Variants in MYLK observed in about 807,000 individuals in gnomAD.
MYLK encodes the protein myosin light chain kinase, smooth muscle.
Under a neutral mutation model 203.4 loss-of-function variants are expected in MYLK, and 106 were observed. The observed-to-expected ratio is 0.52, with a 90% CI of 0.45 to 0.61. The LOEUF is 0.61. Among genes scored for constraint, MYLK ranks in the 20% least tolerant of loss-of-function variants. MYLK has a pLI of 0.00. For synonymous variants in MYLK, 867 were observed against 959.5 expected (o/e 0.90, Z 1.78); for missense variants, 2,072 against 2,442.3 (o/e 0.85, Z 3.20).
chr3:123,853,933 C>T (rs574173872), intron 2 of MYLK, among the ~76,000 whole-genome samples: 1 of 152,060 alleles, frequency 6.6e-6, no homozygotes, highest in Non-Finnish European at 1.5e-5. Context: ...GACATTAGCA[C>T]ATATAACATA....
At chr3:123,709,134 ATTTTTTTTTTTTT>A (rs1161776768) in intron 14 of MYLK, 1 of 168,480 alleles carries the variant, frequency 5.9e-6, no homozygotes, top group African/African-American at 3.4e-5. Context: ...TTCTCACATA[ATTTTTTTTTTTTT>A]TTTTTTTTTT....
intron 3 of MYLK, among the ~76,000 whole-genome samples, chr3:123,818,546 T>C (rs2065821637): frequency 6.6e-6 from 1 of 151,908 alleles, no homozygotes; most frequent in Non-Finnish European, 1.5e-5. Flanking sequence ...AAAAATTAAC[T>C]GGGAATGGTG....
chr3:123,830,255 T>C (rs1455512469), intron 3 of MYLK, among the ~76,000 whole-genome samples: 1 of 152,234 alleles, frequency 6.6e-6, no homozygotes, highest in East Asian at 1.9e-4. Context: ...AGTGTTCGCT[T>C]TGGTCCAGCC....
intron 3 of MYLK, among the ~76,000 whole-genome samples, chr3:123,822,273 T>C (rs2065962984): frequency 6.6e-6 from 1 of 152,196 alleles, no homozygotes; most frequent in South Asian, 2.1e-4. Context: ...ACACAGATAC[T>C]GCCTCTAGTC....
At chr3:123,846,939 T>C (rs1001345008) in intron 2 of MYLK, among the ~76,000 whole-genome samples, 1 of 152,130 alleles carries the variant, frequency 6.6e-6, no homozygotes, top group Non-Finnish European at 1.5e-5. Context: ...TCCTGGTAAA[T>C]AGTACTTTAA....
At position 123,738,915 on chromosome 3, in the gene MYLK, C is replaced by T. The variant is rs56377408; in HGVS notation, c.570G>A (p.Pro190=). 3.9e-5 allele frequency: 63 copies of T among 1,611,260 alleles called. 1 individual carries two copies. Among genetic ancestry groups the T allele is most frequent in the South Asian group, 1.9e-4 (17 of 90,338 alleles). The change falls in exon 7 of 34, where the codon CCG becomes CCA. Residue 190 remains proline (P), a synonymous_variant. Coordinates refer to ENST00000360304, the MANE Select transcript of MYLK (RefSeq NM_053025.4). ...ACCTCACCTTGAGCCAGGTGACCTG[C>T]GGTTGGGGCCGGCCAGTGATCTTGC... The part of the protein sequence containing the change: ...FSCKITGRPQ[P]QVTWLKGNVP...
At chr3:123,634,250 A>AG in intron 29 of MYLK, among the ~76,000 whole-genome samples, 1 of 152,126 alleles carries the variant, frequency 6.6e-6, no homozygotes, top group East Asian at 1.9e-4. Flanking sequence ...CCGGGCTTGG[A>AG]GAGGGAACAG....
rs767967653 is a variant in MYLK, at chr3:123,725,999, C to G, written c.1596G>C (p.Val532=). ...GGGTCCCCCGTACGGAGCACTGCAG[C>G]ACAAAATCCTGGCCCTCAATAACAG... is the stretch of plus-strand genomic sequence containing the variant. ...DCAVIEGQDF[V]LQCSVRGTPV... Residue 532 remains valine, a synonymous_variant, in exon 12 of 34, where the codon GTG becomes GTC. Coordinates refer to ENST00000360304, the MANE Select transcript of MYLK (RefSeq NM_053025.4). 6.2e-7 allele frequency: 1 copy of G among 1,614,184 alleles called. No individual in the cohort carries two copies. The highest frequency in any genetic ancestry group is 8.5e-7 in the Non-Finnish European group (1 of 1,180,022).
intron 23 of MYLK, among the ~76,000 whole-genome samples, chr3:123,660,284 C>T (rs1347615474): frequency 1.3e-5 from 2 of 152,230 alleles, no homozygotes; most frequent in Non-Finnish European, 2.9e-5. Context: ...CTTGCTTAAG[C>T]CTGAGCTGAG....
rs2059748558 is a variant in MYLK, at chr3:123,666,779, C to G, written c.3703+358G>C. ...TTCCATATAACAAGGACACACAGAG[C>G]TGGGCACAAAAATAGCCCCAAGAGG... On this transcript the variant is annotated intron_variant, in intron 21 of 33. Transcript: ENST00000360304. 30 of 525,522 alleles carry G rather than the reference C, an allele frequency of 5.7e-5. 1 individual carries two copies. The South Asian group carries it at 6.7e-4, about 12-fold the overall frequency. The allele number at this position is 525,522 out of a possible 1,614,324, so 32.6% of individuals were successfully genotyped here.
intron 31 of MYLK, 141 bp downstream of exon 31, chr3:123,626,677 C>A: frequency 8.5e-7 from 1 of 1,179,092 alleles, no homozygotes; most frequent in Admixed American, 2.0e-5. Flanking sequence ...CCTTAATCAG[C>A]TGCCTAAATT....
At chr3:123,783,089 A>G (rs2064362989) in intron 4 of MYLK, among the ~76,000 whole-genome samples, 1 of 152,212 alleles carries the variant, frequency 6.6e-6, no homozygotes, top group African/African-American at 2.4e-5. Flanking sequence ...ATAATAATCT[A>G]TCTCCTTTTG....
chr3:123,680,524 TGG>T (rs1431819695), intron 20 of MYLK, among the ~76,000 whole-genome samples: 25 of 152,246 alleles, frequency 1.6e-4, no homozygotes, highest in Non-Finnish European at 7.3e-5. Context: ...AGATTTTTCT[TGG>T]TATTATGTAT....
rs764979858 is a variant in MYLK at position 123,640,520 on chromosome 3, C to G, written c.4620-16G>C. ...TCCTGACACGCTGCGGGAACACGTG[C>G]ACGGGGTGGTCAGGCCACAGGCTCA... is the stretch of plus-strand genomic sequence containing the variant. On this transcript the variant is annotated splice_polypyrimidine_tract_variant and intron_variant, in intron 27 of 33. Coordinates refer to ENST00000360304, the MANE Select transcript of MYLK (RefSeq NM_053025.4). The surrounding 1 kb of genome is among the most constrained non-coding windows in gnomAD (Gnocchi z 4.3). 6.2e-7 allele frequency: 1 copy of G among 1,613,370 alleles called. No homozygotes were observed. The highest frequency in any genetic ancestry group is 8.5e-7 in the Non-Finnish European group (1 of 1,179,970).
chr3:123,798,566 C>G (rs1018310991), intron 3 of MYLK, among the ~76,000 whole-genome samples: 4 of 152,118 alleles, frequency 2.6e-5, no homozygotes, highest in Non-Finnish European at 4.4e-5. Context: ...CTCCTGAAGG[C>G]CCCAGATGTT....
At chr3:123,804,512 T>G (rs1005912819) in intron 3 of MYLK, among the ~76,000 whole-genome samples, 5 of 152,000 alleles carry the variant, frequency 3.3e-5, no homozygotes, top group Admixed American at 3.3e-4. Flanking sequence ...GATCACACAC[T>G]CCCCTGGAGC....
intron 2 of MYLK, among the ~76,000 whole-genome samples, chr3:123,856,388 C>T (rs892047468): frequency 3.3e-5 from 5 of 152,190 alleles, no homozygotes; most frequent in African/African-American, 1.2e-4. Flanking sequence ...TCAATGCTAA[C>T]CACCTAACAA....
chr3:123,675,822 T>G (rs1193130763), intron 20 of MYLK, among the ~76,000 whole-genome samples: 1 of 152,006 alleles, frequency 6.6e-6, no homozygotes, highest in South Asian at 2.1e-4. Flanking sequence ...GAAGGCTGAG[T>G]CCTACCACAC....
At chr3:123,840,541 C>A (rs1300938444) in intron 2 of MYLK, among the ~76,000 whole-genome samples, 2 of 150,812 alleles carry the variant, frequency 1.3e-5, no homozygotes, top group Non-Finnish European at 3.0e-5. Context: ...AAATAGAGAA[C>A]CTCAATTAAA....
Sources: gnomAD v4.1 joint callset for allele counts (sites outside exome capture counted in the v4.1 genomes callset) on GRCh38, gnomAD v4.1.1 for gene constraint, Gnocchi (gnomAD v3.1) non-coding constraint, MANE v1.5 for transcripts, NCBI Gene and HGNC (gene_info 2026-07-23, HGNC 2026-07-21) for gene names.